Variants in GPR55 observed in about 807,000 individuals in gnomAD.
The protein encoded by GPR55 is G protein-coupled receptor 55.
In GPR55, 6 loss-of-function variants were observed where a neutral mutation model predicts 7.9. That is an observed-to-expected ratio of 0.76 (90% CI 0.41 to 1.49). GPR55 has a LOEUF of 1.49. Ranked by LOEUF, GPR55 falls within the 40% of genes most tolerant of loss-of-function variation. The pLI, the probability that GPR55 is intolerant of heterozygous loss-of-function variation, is 0.01. For missense variants in GPR55, 376 were observed against 406.0 expected (o/e 0.93, Z 0.63); for synonymous variants, 183 against 166.8 (o/e 1.10, Z -0.75).
rs1419400690 is a variant in GPR55 at position 230,923,156 on chromosome 2, C to T, written c.-135+2012G>A. Among the ~76,000 whole-genome samples, 2 of 152,200 alleles carry T rather than the reference C, an allele frequency of 1.3e-5. No individual in the cohort carries two copies. Among genetic ancestry groups the T allele is most frequent in the Non-Finnish European group, 1.5e-5 (1 of 68,034 alleles). On this transcript the variant is annotated intron_variant, in intron 1 of 1. Transcript: ENST00000650999. The surrounding 1 kb of genome is among the most constrained non-coding windows in gnomAD (Gnocchi z 4.1). ...GGCTTTGCCTGCACAGCTGAGACCTCGAAACCCAGCTATGTGGCTCCACAC... is the reference window on the plus strand; with the variant it reads ...GGCTTTGCCTGCACAGCTGAGACCTTGAAACCCAGCTATGTGGCTCCACAC...
intron 1 of GPR55, among the ~76,000 whole-genome samples, chr2:230,947,318 C>A (rs1466205130): frequency 6.6e-6 from 1 of 152,164 alleles, no homozygotes; most frequent in African/African-American, 2.4e-5. Flanking sequence ...TGGACGTGCA[C>A]CAGCCAACTG....
At chr2:230,934,111 C>G (rs998096868) in intron 1 of GPR55, among the ~76,000 whole-genome samples, 1 of 152,124 alleles carries the variant, frequency 6.6e-6, no homozygotes, top group Non-Finnish European at 1.5e-5. Flanking sequence ...TGGACTGTCC[C>G]CCAGGGGCAC....
chr2:230,919,238 G>A (rs932376744), intron 1 of GPR55, among the ~76,000 whole-genome samples: 8 of 151,836 alleles, frequency 5.3e-5, no homozygotes, highest in African/African-American at 1.5e-4. Flanking sequence ...ATCACTAAAG[G>A]GAAAAGCTCT....
At position 230,910,761 on chromosome 2, in the gene GPR55, C is replaced by T; in HGVS notation, c.202G>A (p.Val68Ile). Residue 68 changes from valine to isoleucine, a missense_variant, in exon 2 of 2, where the codon GTC (valine) becomes ATC (isoleucine). Transcript: ENST00000650999. The surrounding 1 kb of genome is among the most constrained non-coding windows in gnomAD (Gnocchi z 5.4). Reference protein sequence around the residue: ...ATSIYMINLAVFDLLLVLSLP... With the variant: ...ATSIYMINLAIFDLLLVLSLP... ...GAGAGCACCAGCAGCAGGTCAAAGACTGCCAGGTTGATCATGTAGATGGAG... is the reference window on the plus strand; with the variant it reads ...GAGAGCACCAGCAGCAGGTCAAAGATTGCCAGGTTGATCATGTAGATGGAG... 6.2e-7 allele frequency: 1 copy of T among 1,614,134 alleles called. No homozygotes were observed. The highest frequency in any genetic ancestry group is 8.5e-7 in the Non-Finnish European group (1 of 1,179,956).
rs1244394769 is a variant in GPR55, at chr2:230,923,330, C to G, written c.-135+1838G>C. Among the ~76,000 whole-genome samples the G allele has an allele frequency of 6.6e-6, 1 of 152,218 alleles. No homozygotes were observed. Reference sequence around the variant, plus strand: ...TCTGCACAGAGCATTGCAGCGTGAGCCACCTCAGAGATGGCAGGGCCAGAG... The same window carrying G: ...TCTGCACAGAGCATTGCAGCGTGAGGCACCTCAGAGATGGCAGGGCCAGAG... On this transcript the variant is annotated intron_variant, in intron 1 of 1. Transcript: ENST00000650999. This position sits in a 1 kb window ranked among gnomAD's most constrained non-coding sequence, Gnocchi z 4.1.
upstream of GPR55, among the ~76,000 whole-genome samples, chr2:230,926,070 C>T (rs1559173992): frequency 6.6e-6 from 1 of 152,202 alleles, no homozygotes; most frequent in African/African-American, 2.4e-5. Context: ...GTCGGAGGAC[C>T]AAACACAAGC....
At chr2:230,960,182 A>T (rs1691547078) in intron 1 of GPR55, among the ~76,000 whole-genome samples, 1 of 152,254 alleles carries the variant, frequency 6.6e-6, no homozygotes, top group African/African-American at 2.4e-5. Flanking sequence ...AGACTCCAGG[A>T]AGCTGTCAAG....
Position 230,910,402 on chromosome 2 carries a change from C to G in GPR55, c.561G>C (p.Val187=). The G allele has an allele frequency of 6.2e-7, 1 of 1,614,072 alleles. No homozygotes were observed. The highest frequency in any genetic ancestry group is 8.5e-7 in the Non-Finnish European group (1 of 1,179,958). The change falls in exon 2 of 2, where the codon GTG becomes GTC. Residue 187 remains valine (V), a synonymous_variant. Transcript: ENST00000650999. This position sits in a 1 kb window ranked among gnomAD's most constrained non-coding sequence, Gnocchi z 5.4. ...TGCCCATGGGAAGGAGGAAGCCAAA[C>G]ACCTCCAGCGGGAAGAAGACCTTGG... The part of the protein sequence containing the change: ...WSAKVFFPLE[V]FGFLLPMGIM...
rs2918007 is a variant in GPR55, at chr2:230,924,584, G to A, written c.-135+584C>T. On this transcript the variant is annotated intron_variant, in intron 1 of 1. Transcript: ENST00000650999. The surrounding 1 kb of genome is among the most constrained non-coding windows in gnomAD (Gnocchi z 4.5). ...ATCATTTACTGCCCTTGAGCGCCCC[G>A]TGAGGAAGAAACCGTGTATTGCCTC... is the stretch of plus-strand genomic sequence containing the variant. 15,353 of 152,280 alleles carry A rather than the reference G, an allele frequency of 0.1. 858 individuals carry two copies. The highest frequency in any genetic ancestry group is 0.13 in the Non-Finnish European group (8,595 of 68,048). The allele number at this position is 152,280 out of a possible 1,614,324, so 9.4% of individuals were successfully genotyped here. A position where few individuals can be genotyped will look rare whatever the true frequency, so the allele number is the denominator to read the frequency against.
intron 1 of GPR55, among the ~76,000 whole-genome samples, chr2:230,960,120 T>G (rs1691546278): frequency 6.6e-6 from 1 of 152,172 alleles, no homozygotes; most frequent in Non-Finnish European, 1.5e-5. Flanking sequence ...AGAATATAAT[T>G]CAACTGATGA....
At chr2:230,949,219 A>G (rs1221528620) in intron 1 of GPR55, among the ~76,000 whole-genome samples, 1 of 152,058 alleles carries the variant, frequency 6.6e-6, no homozygotes, top group Non-Finnish European at 1.5e-5. Flanking sequence ...GCTGGAGTGC[A>G]ATGGCGCAAT....
At chr2:230,928,054 G>A (rs1690971912), upstream of GPR55, among the ~76,000 whole-genome samples, 1 of 152,328 alleles carries the variant, frequency 6.6e-6, no homozygotes, top group Middle Eastern at 3.4e-3. Flanking sequence ...CCAGGTGCAG[G>A]CACAGGCAGG....
At chr2:230,915,433 C>T (rs1375268059) in intron 1 of GPR55, among the ~76,000 whole-genome samples, 3 of 152,184 alleles carry the variant, frequency 2.0e-5, no homozygotes, top group Admixed American at 1.3e-4. Context: ...TGGAATGGGG[C>T]AGTCCCAGCC....
intron 1 of GPR55, among the ~76,000 whole-genome samples, chr2:230,955,674 T>C (rs1017425868): frequency 6.6e-6 from 1 of 152,194 alleles, no homozygotes; most frequent in Non-Finnish European, 1.5e-5. Context: ...GAGACTCATA[T>C]GGGAAAACAC....
chr2:230,930,757 G>T (rs755946589), intron 1 of GPR55, among the ~76,000 whole-genome samples: 4 of 152,108 alleles, frequency 2.6e-5, no homozygotes, highest in Non-Finnish European at 5.9e-5. Flanking sequence ...AAGCCACTGC[G>T]CCTGGCTCAG....
intron 1 of GPR55, among the ~76,000 whole-genome samples, chr2:230,930,251 T>C (rs1239385294): frequency 1.3e-5 from 2 of 152,206 alleles, no homozygotes; most frequent in East Asian, 1.9e-4. Flanking sequence ...GAAATACTTA[T>C]TTTCTTTTAT....
rs568530024 is a variant in GPR55 at position 230,924,815 on chromosome 2, G to C, written c.-135+353C>G. Among the ~76,000 whole-genome samples, 2 of 152,156 alleles carry C rather than the reference G, an allele frequency of 1.3e-5. No individual in the cohort carries two copies. The highest frequency in any genetic ancestry group is 2.9e-5 in the Non-Finnish European group (2 of 68,020). ...CGGGCTTGGTGGAGGGCGGTGGCAC[G>C]TGAGCTACATGCCCCGGGAAGGCTC... On this transcript the variant is annotated intron_variant, in intron 1 of 1. Transcript: ENST00000650999. This position sits in a 1 kb window ranked among gnomAD's most constrained non-coding sequence, Gnocchi z 4.5.
chr2:230,922,539 T>A (rs3098324), intron 1 of GPR55, among the ~76,000 whole-genome samples: 2 of 151,912 alleles, frequency 1.3e-5, no homozygotes, highest in African/African-American at 4.8e-5. Context: ...CCATACCCAA[T>A]TAATTTTTTA....
upstream of GPR55, among the ~76,000 whole-genome samples, chr2:230,925,585 CA>C (rs1690929261): frequency 6.6e-6 from 1 of 152,204 alleles, no homozygotes; most frequent in African/African-American, 2.4e-5. Flanking sequence ...GACACCCTAA[CA>C]GGGGCACCAC....
Sources: allele counts gnomAD v4.1 joint callset (sites outside exome capture counted in the v4.1 genomes callset), GRCh38; gene constraint gnomAD v4.1.1; non-coding constraint Gnocchi (gnomAD v3.1); transcripts MANE v1.5; gene names NCBI Gene and HGNC (gene_info 2026-07-23, HGNC 2026-07-21).